The following NELL1 variants were observed in gnomAD, a reference collection of about 807,000 sequenced individuals.
NELL1 encodes neural EGFL like 1.
A neutral mutation model predicts 107.4 loss-of-function variants in NELL1; 76 were observed. That is an observed-to-expected ratio of 0.71 (90% CI 0.59 to 0.86). The LOEUF is 0.86. NELL1 is among the 40% of genes least tolerant of loss of function. The probability of loss-of-function intolerance (pLI) is 0.00; values close to 1 mark genes in which losing one functional copy is unlikely to be tolerated. For synonymous variants in NELL1, 353 were observed against 341.2 expected, an observed-to-expected ratio of 1.03 and a Z score of -0.38; for missense variants, 1,024 against 1,005.5, an observed-to-expected ratio of 1.02 and a Z score of -0.25.
intron 12 of NELL1, among the ~76,000 whole-genome samples, chr11:21,072,260 G>A (rs1033895095): frequency 9.9e-5 from 15 of 152,042 alleles, no homozygotes; most frequent in Admixed American, 1.3e-4. Flanking sequence ...AAGCACAAGC[G>A]CAATGGCCCG....
intron 4 of NELL1, among the ~76,000 whole-genome samples, chr11:20,869,863 T>C (rs1849163760): frequency 6.6e-6 from 1 of 152,196 alleles, no homozygotes. Context: ...CTGCATACTT[T>C]TGTGTTAGTT....
intron 5 of NELL1, among the ~76,000 whole-genome samples, chr11:20,916,924 C>G (rs958424317): frequency 7.2e-5 from 11 of 151,860 alleles, no homozygotes; most frequent in African/African-American, 2.7e-4. Context: ...TAACTTATTG[C>G]CTAAGTCTGT....
chr11:21,441,330 C>CTTGT lies in NELL1; in HGVS notation c.1645+70382_1645+70383insTTGT, dbSNP rs1309300543. 5.7e-3 allele frequency among the ~76,000 whole-genome samples: 794 copies of CTTGT among 140,230 alleles called. 6 individuals carry two copies. Among genetic ancestry groups the CTTGT allele is most frequent in the Middle Eastern group, 0.014 (4 of 276 alleles). The allele number at this position is 140,230 out of a possible 152,430, so 92.0% of individuals were successfully genotyped here. A position where few individuals can be genotyped will look rare whatever the true frequency, so the allele number is the denominator to read the frequency against. ...TATATTCTTTACTCTGAGGCTGTGA[C>CTTGT]GTGTGTGTGTGTGTGTGTGTGTGTG... On this transcript the variant is annotated intron_variant, in intron 15 of 19. Transcript: ENST00000357134.
intron 5 of NELL1, among the ~76,000 whole-genome samples, chr11:20,905,467 T>C (rs1186203188): frequency 1.3e-5 from 2 of 152,168 alleles, no homozygotes; most frequent in Admixed American, 6.6e-5. Context: ...TTGAACTTAC[T>C]GTACAGACTT....
chr11:20,960,746 A>G (rs1383569855), intron 12 of NELL1, among the ~76,000 whole-genome samples, 186 bp downstream of exon 12: 1 of 152,224 alleles, frequency 6.6e-6, no homozygotes, highest in African/African-American at 2.4e-5. Context: ...AGCATGAGAA[A>G]GCAAGACCTT....
intron 16 of NELL1, among the ~76,000 whole-genome samples, chr11:21,559,276 G>A (rs1856796062): frequency 6.6e-6 from 1 of 152,056 alleles, no homozygotes; most frequent in Admixed American, 6.6e-5. Flanking sequence ...CAAATGAGTA[G>A]AAGTTACTCG....
chr11:21,315,890 AG>A (rs1849870298), intron 14 of NELL1, among the ~76,000 whole-genome samples: 1 of 149,574 alleles, frequency 6.7e-6, no homozygotes, highest in Admixed American at 6.7e-5. Context: ...TGGTGGTGTG[AG>A]TGTGTGTGTG....
At chr11:21,032,512 C>T (rs1852987316) in intron 12 of NELL1, among the ~76,000 whole-genome samples, 1 of 152,172 alleles carries the variant, frequency 6.6e-6, no homozygotes, top group Non-Finnish European at 1.5e-5. Context: ...CCTCAGCCTC[C>T]CAGGTAGCTG....
chr11:21,404,391 G>A (rs947664396), intron 15 of NELL1, among the ~76,000 whole-genome samples: 2 of 151,854 alleles, frequency 1.3e-5, no homozygotes, highest in African/African-American at 4.8e-5. Flanking sequence ...GGCATTAGAA[G>A]GAACTTTAGA....
At chr11:20,816,782 T>A (rs968598382) in intron 3 of NELL1, among the ~76,000 whole-genome samples, 1 of 152,218 alleles carries the variant, frequency 6.6e-6, no homozygotes, top group Non-Finnish European at 1.5e-5. Flanking sequence ...TGGTTTGTCA[T>A]AGATGGCTCT....
intron 14 of NELL1, among the ~76,000 whole-genome samples, chr11:21,232,498 G>A (rs1590756445): frequency 6.6e-6 from 1 of 152,126 alleles, no homozygotes; most frequent in African/African-American, 2.4e-5. Flanking sequence ...GGAGGAGGAG[G>A]TTGGCAGTTT....
At chr11:21,250,191 CA>C (rs1304428890) in intron 14 of NELL1, among the ~76,000 whole-genome samples, 31 of 152,136 alleles carry the variant, frequency 2.0e-4, no homozygotes, top group African/African-American at 7.2e-4. Context: ...AGATCCTACT[CA>C]AAAAGCATCT....
intron 16 of NELL1, among the ~76,000 whole-genome samples, chr11:21,543,567 G>C (rs1413721031): frequency 6.6e-6 from 1 of 151,944 alleles, no homozygotes; most frequent in Non-Finnish European, 1.5e-5. Flanking sequence ...GCTCTTCTGG[G>C]TCCCCCAGAA....
intron 14 of NELL1, among the ~76,000 whole-genome samples, chr11:21,299,575 G>T (rs565986345): frequency 1.5e-4 from 21 of 140,694 alleles, no homozygotes; most frequent in Non-Finnish European, 2.8e-4. Flanking sequence ...TTATTTTTTG[G>T]ACCCATATAA....
Position 20,889,378 on chromosome 11 carries a change from T to C in NELL1, c.603+3838T>C, listed in dbSNP as rs140403502. 1.5e-4 allele frequency among the ~76,000 whole-genome samples: 23 copies of C among 152,310 alleles called. No homozygotes were observed. The East Asian group carries it at 3.9e-3, about 26-fold the overall frequency. Reference sequence around the variant, plus strand: ...AGAAAATAACTTTCAAATGTAGTAGTATATACCAAGCTTAATTGTCATTTG... The same window carrying C: ...AGAAAATAACTTTCAAATGTAGTAGCATATACCAAGCTTAATTGTCATTTG... On this transcript the variant is annotated intron_variant, in intron 5 of 19. Coordinates refer to ENST00000357134, the MANE Select transcript of NELL1 (RefSeq NM_006157.5).
At chr11:21,370,187 A>G (rs1396229650) in intron 14 of NELL1, among the ~76,000 whole-genome samples, 2 of 152,070 alleles carry the variant, frequency 1.3e-5, no homozygotes, top group Non-Finnish European at 2.9e-5. Context: ...GAGTAAGAAT[A>G]GCTTTGCAAT....
intron 15 of NELL1, among the ~76,000 whole-genome samples, chr11:21,399,518 A>C (rs1170084078): frequency 2.0e-5 from 3 of 151,816 alleles, no homozygotes; most frequent in African/African-American, 7.2e-5. Context: ...TTGCTAAATA[A>C]TTTTTTAAAA....
At chr11:21,429,397 G>T (rs949009945) in intron 15 of NELL1, among the ~76,000 whole-genome samples, 1 of 152,070 alleles carries the variant, frequency 6.6e-6, no homozygotes, top group African/African-American at 2.4e-5. Flanking sequence ...TCCTATTTTA[G>T]CTTTTAAACT....
In NELL1 at chr11:21,368,913, A is replaced by G. The variant is rs145656625; in HGVS notation, c.1550-1940A>G. 6.0e-3 allele frequency among the ~76,000 whole-genome samples: 908 copies of G among 152,200 alleles called. 6 individuals are homozygous for G. Among genetic ancestry groups the G allele is most frequent in the African/African-American group, 0.018 (744 of 41,552 alleles). On this transcript the variant is annotated intron_variant, in intron 14 of 19. Coordinates refer to ENST00000357134, the MANE Select transcript of NELL1 (RefSeq NM_006157.5). ...TTCTTTGTAAATGTTAACTTATTTA[A>G]TCATCGTACTACTCTGTTTATTCTA... is the stretch of plus-strand genomic sequence containing the variant.
Sources: gnomAD v4.1 joint callset for allele counts (sites outside exome capture counted in the v4.1 genomes callset) on GRCh38, gnomAD v4.1.1 for gene constraint, MANE v1.5 for transcripts, NCBI Gene and HGNC (gene_info 2026-07-23, HGNC 2026-07-21) for gene names.